Variants in GALNTL6 observed in about 807,000 individuals in gnomAD.
GALNTL6 encodes polypeptide N-acetylgalactosaminyltransferase-like 6.
In GALNTL6, 46 loss-of-function variants were observed where a neutral mutation model predicts 73.7. The observed-to-expected ratio is 0.62, with a 90% CI of 0.49 to 0.80. The LOEUF (loss-of-function observed/expected upper bound fraction) is 0.80. Among genes scored for constraint, GALNTL6 ranks in the 30% least tolerant of loss-of-function variants. GALNTL6 has a pLI of 0.00. For synonymous variants in GALNTL6, 259 were observed against 263.7 expected (o/e 0.98, Z 0.17); for missense variants, 604 against 755.0 (o/e 0.80, Z 2.34).
intron 5 of GALNTL6, among the ~76,000 whole-genome samples, chr4:172,778,134 G>T (rs1415167653): frequency 6.6e-6 from 1 of 152,236 alleles, no homozygotes; most frequent in African/African-American, 2.4e-5. Context: ...GGCCATTGAC[G>T]TATTCATTTT....
chr4:172,081,876 C>CTTT (rs201769212), intron 2 of GALNTL6, among the ~76,000 whole-genome samples: 1 of 143,998 alleles, frequency 6.9e-6, no homozygotes, highest in African/African-American at 2.5e-5. Context: ...TTATTTATTC[C>CTTT]TTTTTTTTTT....
chr4:172,292,011 A>G (rs1398073009), intron 3 of GALNTL6, among the ~76,000 whole-genome samples: 2 of 152,164 alleles, frequency 1.3e-5, no homozygotes, highest in Non-Finnish European at 2.9e-5. Context: ...TCACCAAATT[A>G]TCTGTTCAAG....
At chr4:172,978,509 G>A (rs182764473) in intron 10 of GALNTL6, among the ~76,000 whole-genome samples, 7 of 152,226 alleles carry the variant, frequency 4.6e-5, no homozygotes, top group African/African-American at 7.2e-5. Context: ...ATGGCAGACT[G>A]CAACAGAGTT....
At chr4:172,979,568 C>T (rs2126428431) in intron 10 of GALNTL6, among the ~76,000 whole-genome samples, 1 of 152,320 alleles carries the variant, frequency 6.6e-6, no homozygotes, top group South Asian at 2.1e-4. Context: ...ATACTATTTC[C>T]TCTTCCTGGT....
intron 5 of GALNTL6, among the ~76,000 whole-genome samples, chr4:172,579,915 A>G (rs549380901): frequency 1.3e-4 from 20 of 152,252 alleles, no homozygotes; most frequent in African/African-American, 4.8e-4. Context: ...TCTTTACTTC[A>G]GCTGTGGGAG....
intron 5 of GALNTL6, among the ~76,000 whole-genome samples, chr4:172,473,622 G>T (rs904733673): frequency 1.3e-5 from 2 of 152,218 alleles, no homozygotes; most frequent in Non-Finnish European, 2.9e-5. Flanking sequence ...TCTTTACAAG[G>T]CTTCCAAAAT....
intron 5 of GALNTL6, among the ~76,000 whole-genome samples, chr4:172,652,598 C>T (rs1023764983): frequency 6.6e-6 from 1 of 152,310 alleles, no homozygotes; most frequent in South Asian, 2.1e-4. Context: ...TGTTTAAGAA[C>T]AGACTCTATC....
intron 2 of GALNTL6, among the ~76,000 whole-genome samples, chr4:172,046,372 G>A (rs1742222591): frequency 6.6e-6 from 1 of 152,054 alleles, no homozygotes; most frequent in South Asian, 2.1e-4. Flanking sequence ...TGTTACATAG[G>A]TATACATGTG....
intron 3 of GALNTL6, among the ~76,000 whole-genome samples, chr4:172,298,009 A>G (rs74502920): frequency 0.96 from 146,714 of 152,240 alleles, 70,928 homozygotes; most frequent in East Asian, 1. Context: ...CCATTTGTTT[A>G]TATCCTCTTT....
chr4:172,317,417 C>T (rs957066149), intron 4 of GALNTL6, among the ~76,000 whole-genome samples: 14 of 152,154 alleles, frequency 9.2e-5, no homozygotes, highest in African/African-American at 2.2e-4. Context: ...ACCAAATCAG[C>T]GATCGCGTGA....
At chr4:172,978,193 C>T (rs1400096819) in intron 10 of GALNTL6, among the ~76,000 whole-genome samples, 1 of 152,146 alleles carries the variant, frequency 6.6e-6, no homozygotes, top group African/African-American at 2.4e-5. Context: ...TTTCTCTCTA[C>T]AGGAGAAATT....
At chr4:171,962,845 C>T (rs994194329) in intron 2 of GALNTL6, among the ~76,000 whole-genome samples, 5 of 140,210 alleles carry the variant, frequency 3.6e-5, no homozygotes, top group Non-Finnish European at 1.5e-5. Context: ...CAGCTCACTA[C>T]AACCTTGAAA....
chr4:172,753,669 A>G (rs1366496705), intron 5 of GALNTL6, among the ~76,000 whole-genome samples: 2 of 152,258 alleles, frequency 1.3e-5, no homozygotes, highest in Non-Finnish European at 2.9e-5. Flanking sequence ...TTTGATAATT[A>G]TTCTTTAAAA....
At chr4:172,246,941 C>G (rs908782845) in intron 3 of GALNTL6, among the ~76,000 whole-genome samples, 3 of 151,792 alleles carry the variant, frequency 2.0e-5, no homozygotes, top group African/African-American at 7.3e-5. Context: ...TTCTTATCTT[C>G]TTATTGACTT....
At chr4:172,827,996 G>C (rs1479711964) in intron 7 of GALNTL6, among the ~76,000 whole-genome samples, 1 of 151,950 alleles carries the variant, frequency 6.6e-6, no homozygotes, top group Non-Finnish European at 1.5e-5. Flanking sequence ...AGAGGACCAG[G>C]CATGGTGGCT....
chr4:172,777,296 T>C (rs1304991510), intron 5 of GALNTL6, among the ~76,000 whole-genome samples: 3 of 152,214 alleles, frequency 2.0e-5, no homozygotes, highest in Non-Finnish European at 4.4e-5. Flanking sequence ...ATCCTGCTAA[T>C]TACTCAAAGA....
chr4:172,393,493 T>G (rs1484963277), intron 5 of GALNTL6, among the ~76,000 whole-genome samples: 1 of 152,168 alleles, frequency 6.6e-6, no homozygotes, highest in Non-Finnish European at 1.5e-5. Context: ...TAAGTTTCAT[T>G]TTCAGGAAAC....
chr4:173,034,382 C>T (rs985418912), intron 12 of GALNTL6, among the ~76,000 whole-genome samples: 2 of 152,140 alleles, frequency 1.3e-5, no homozygotes, highest in African/African-American at 4.8e-5. Context: ...TAGCACTGTA[C>T]CACCATCTCA....
chr4:172,655,468 C>T (rs1471509916), intron 5 of GALNTL6, among the ~76,000 whole-genome samples: 3 of 152,142 alleles, frequency 2.0e-5, no homozygotes, highest in Admixed American at 6.5e-5. Flanking sequence ...TTAAGCCCCA[C>T]GTCCATCGTT....
Sources: gnomAD v4.1 joint callset for allele counts (sites outside exome capture counted in the v4.1 genomes callset) on GRCh38, gnomAD v4.1.1 for gene constraint, MANE v1.5 for transcripts, NCBI Gene and HGNC (gene_info 2026-07-23, HGNC 2026-07-21) for gene names.